The following SYNE2 variants were observed in gnomAD, a reference collection of about 807,000 sequenced individuals.
The protein encoded by SYNE2 is nesprin-2.
A neutral mutation model predicts 856.3 loss-of-function variants in SYNE2; 431 were observed. The observed-to-expected ratio is 0.50, with a 90% confidence interval of 0.47 to 0.55. The LOEUF (loss-of-function observed/expected upper bound fraction) is 0.55. Among genes scored for constraint, SYNE2 ranks in the 20% least tolerant of loss-of-function variants. The pLI is 0.00. For missense variants in SYNE2, 8,129 were observed against 8,023.2 expected, an observed-to-expected ratio of 1.01 and a Z score of -0.50; for synonymous variants, 2,923 against 2,872.3, an observed-to-expected ratio of 1.02 and a Z score of -0.56.
rs886042276 is a variant in SYNE2, at chr14:64,053,565, G to T, written c.9652G>T (p.Glu3218Ter). The T allele has an allele frequency of 5.6e-6, 9 of 1,614,106 alleles. No individual in the cohort carries two copies. Among genetic ancestry groups the T allele is most frequent in the Non-Finnish European group, 6.8e-6 (8 of 1,180,056 alleles). Reference sequence around the variant, plus strand: ...GACTGCTATTGAGAAACAAAGAGAAGAAAACTCTTCTGAAGCGAGTGATGT... The same window carrying T: ...GACTGCTATTGAGAAACAAAGAGAATAAAACTCTTCTGAAGCGAGTGATGT... Reference protein sequence around the residue: ...AVTAIEKQREENSSEASDVET... With the variant: ...AVTAIEKQRE Residue 3218 changes from glutamate (E) to a stop codon, truncating the protein, a stop_gained, in exon 48 of 116, where the codon GAA (glutamate) becomes TAA (stop). Coordinates refer to ENST00000555002, the MANE Select transcript of SYNE2 (RefSeq NM_182914.3). LOFTEE classifies it high-confidence loss of function.
intron 62 of SYNE2, 47 bp from the exon 63 acceptor site, chr14:64,098,700 G>A (rs2097696974): frequency 6.3e-7 from 1 of 1,598,672 alleles, no homozygotes; most frequent in Non-Finnish European, 8.6e-7. Flanking sequence ...TCTTGGTGAT[G>A]TTGACTGGCA....
chr14:63,956,341 A>G, intron 8 of SYNE2: 2 of 451,068 alleles, frequency 4.4e-6, no homozygotes, highest in Non-Finnish European at 8.9e-6. Flanking sequence ...TTGGGAAGTG[A>G]TAAGTTTTGA....
chr14:64,219,360 A>C lies in SYNE2; in HGVS notation c.19810A>C (p.Lys6604Gln). 6.2e-7 allele frequency: 1 copy of C among 1,614,162 alleles called. No individual in the cohort carries two copies. Among genetic ancestry groups the C allele is most frequent in the South Asian group, 1.1e-5 (1 of 91,086 alleles). ...EAELEMLKMA[K>Q]PPSDIQEIEL... Reference sequence around the variant, plus strand: ...AGAGCTGGAAATGTTAAAGATGGCAAAGCCTCCCTCTGATATCCAGGAAAT... The same window carrying C: ...AGAGCTGGAAATGTTAAAGATGGCACAGCCTCCCTCTGATATCCAGGAAAT... The change falls in exon 110 of 116, where the codon AAG becomes CAG. Residue 6604 changes from lysine (K) to glutamine (Q), a missense_variant. Transcript: ENST00000555002.
chr14:63,916,980 C>T (rs551348417), intron 2 of SYNE2, among the ~76,000 whole-genome samples: 1 of 152,044 alleles, frequency 6.6e-6, no homozygotes, highest in East Asian at 1.9e-4. Context: ...CGTCCAGCTG[C>T]TTGGGAGGCT....
chr14:64,152,902 C>A (rs898419045), intron 85 of SYNE2, among the ~76,000 whole-genome samples, 186 bp downstream of exon 85: 15 of 152,196 alleles, frequency 9.9e-5, no homozygotes, highest in Admixed American at 2.0e-4. Context: ...TAATTAGAGG[C>A]AAAGCCACCA....
In SYNE2 at chr14:63,998,442, C is replaced by T. The variant is rs1166012609; in HGVS notation, c.3353+114C>T. On this transcript the variant is annotated intron_variant, in intron 26 of 115. Transcript: ENST00000555002. Reference sequence around the variant, plus strand: ...TTTAGTCGTCATTTTGCATATGATCCAGTAACTTAGAAATTCTATGGTATT... The same window carrying T: ...TTTAGTCGTCATTTTGCATATGATCTAGTAACTTAGAAATTCTATGGTATT... The T allele has an allele frequency of 9.8e-6, 7 of 711,110 alleles. No individual in the cohort carries two copies. In the East Asian group the frequency reaches 1.9e-4, roughly 19 times the overall value. The allele number at this position is 711,110 out of a possible 1,614,324, so 44.1% of individuals were successfully genotyped here. A position where few individuals can be genotyped will look rare whatever the true frequency, so the allele number is the denominator to read the frequency against.
chr14:64,030,034 T>C lies in SYNE2; in HGVS notation c.6854T>C (p.Val2285Ala), dbSNP rs775586439. The C allele has an allele frequency of 4.3e-6, 7 of 1,613,956 alleles. No homozygotes were observed. Among genetic ancestry groups the C allele is most frequent in the Non-Finnish European group, 5.9e-6 (7 of 1,179,954 alleles). Residue 2285 changes from valine (V) to alanine (A), a missense_variant, in exon 44 of 116, where the codon GTT (valine) becomes GCT (alanine). Physicochemically the swap from Val to Ala is moderately conservative, Grantham distance 64 (BLOSUM62 0). Coordinates refer to ENST00000555002, the MANE Select transcript of SYNE2 (RefSeq NM_182914.3). ...FSDKPVDQIA[V>A]EEKLQKLQEL... Reference sequence around the variant, plus strand: ...GATAAGCCTGTGGATCAAATAGCGGTTGAGGAAAAATTGCAGAAACTGCAG... The same window carrying C: ...GATAAGCCTGTGGATCAAATAGCGGCTGAGGAAAAATTGCAGAAACTGCAG...
At position 64,128,439 on chromosome 14, in the gene SYNE2, A is replaced by G. The variant is rs775576281; in HGVS notation, c.13918-13A>G. The G allele has an allele frequency of 2.3e-5, 33 of 1,438,316 alleles. No individual in the cohort carries two copies. Among genetic ancestry groups the G allele is most frequent in the Non-Finnish European group, 2.8e-5 (29 of 1,020,070 alleles). The allele number at this position is 1,438,316 out of a possible 1,614,324, so 89.1% of individuals were successfully genotyped here. ...TAAATGAGATTGCTCAGTTTCCGAC[A>G]TTTATCTTACAGAATGAAATAAAGA... is the stretch of plus-strand genomic sequence containing the variant. On this transcript the variant is annotated splice_polypyrimidine_tract_variant and intron_variant, in intron 73 of 115. Coordinates refer to ENST00000555002, the MANE Select transcript of SYNE2 (RefSeq NM_182914.3).
intron 84 of SYNE2, among the ~76,000 whole-genome samples, chr14:64,151,928 A>G (rs915387376): frequency 2.0e-5 from 3 of 152,172 alleles, no homozygotes; most frequent in Admixed American, 2.0e-4. Context: ...GAGTGGCACC[A>G]TTGCTGCTGG....
chr14:63,894,753 T>G (rs1224694741), intron 1 of SYNE2, among the ~76,000 whole-genome samples: 1 of 152,230 alleles, frequency 6.6e-6, no homozygotes, highest in East Asian at 1.9e-4. Context: ...GAATAATAAT[T>G]CATTATGGCC....
At chr14:63,985,598 A>G (rs2153478399) in intron 18 of SYNE2, among the ~76,000 whole-genome samples, 1 of 152,312 alleles carries the variant, frequency 6.6e-6, no homozygotes, top group South Asian at 2.1e-4. Flanking sequence ...CTAATTTACT[A>G]AACTTTAATC....
chr14:63,895,114 T>C (rs554920770), intron 1 of SYNE2, among the ~76,000 whole-genome samples: 2 of 151,768 alleles, frequency 1.3e-5, no homozygotes, highest in East Asian at 1.9e-4. Context: ...CTTTTCTTTT[T>C]TTTTTTTTTG....
chr14:64,080,044 C>CGT (rs112076744), intron 55 of SYNE2, among the ~76,000 whole-genome samples: 5,810 of 150,360 alleles, frequency 0.039, 124 homozygotes, highest in Admixed American at 0.069. Flanking sequence ...ATTAAGAGAG[C>CGT]GTGTGTGTGT....
chr14:64,167,584 A>T lies in SYNE2; in HGVS notation c.16850A>T (p.Lys5617Ile). 6.2e-7 allele frequency: 1 copy of T among 1,614,222 alleles called. No individual in the cohort carries two copies. Among genetic ancestry groups the T allele is most frequent in the Non-Finnish European group, 8.5e-7 (1 of 1,180,032 alleles). ...TTGGAGAAGATAGAAGAAGCACTCA[A>T]AGTGGATGTGGCTAACAGCCTTCCT... is the stretch of plus-strand genomic sequence containing the variant. ...QLLEKIEEAL[K>I]VDVANSLPEL... The change falls in exon 92 of 116, where the codon AAA becomes ATA. Residue 5617 changes from lysine to isoleucine, a missense_variant. Coordinates refer to ENST00000555002, the MANE Select transcript of SYNE2 (RefSeq NM_182914.3).
Position 64,149,850 on chromosome 14 carries a change from G to C in SYNE2, c.15640-2714G>C, listed in dbSNP as rs189640063. On this transcript the variant is annotated intron_variant, in intron 84 of 115. Coordinates refer to ENST00000555002, the MANE Select transcript of SYNE2 (RefSeq NM_182914.3). ...AATTTGCCGGTGAAGTGGGAGTTGG[G>C]AAACTTGAAGGGTACTGTTAGGCCT... 5.3e-5 allele frequency among the ~76,000 whole-genome samples: 8 copies of C among 152,174 alleles called. No individual in the cohort carries two copies. The East Asian group carries it at 1.6e-3, about 30-fold the overall frequency.
chr14:64,125,316 C>A, intron 71 of SYNE2, 106 bp downstream of exon 71: 1 of 1,490,660 alleles, frequency 6.7e-7, no homozygotes, highest in Non-Finnish European at 9.2e-7. Context: ...AGTCATGGAA[C>A]ACATAATGGA....
intron 77 of SYNE2, among the ~76,000 whole-genome samples, chr14:64,133,045 AC>A (rs1222486083): frequency 1.5e-5 from 2 of 136,412 alleles, no homozygotes; most frequent in East Asian, 4.0e-4. Flanking sequence ...TACTAAAAAT[AC>A]AAAAAAAAAA....
At chr14:64,203,236 C>CT (rs1382473528) in intron 100 of SYNE2, among the ~76,000 whole-genome samples, 19 of 151,834 alleles carry the variant, frequency 1.3e-4, no homozygotes, top group Non-Finnish European at 2.6e-4. Flanking sequence ...TTAATTATGT[C>CT]TTTTTTTAAC....
chr14:63,769,495 G>A (rs1045975367), intron 1 of SYNE2, among the ~76,000 whole-genome samples: 1 of 151,968 alleles, frequency 6.6e-6, no homozygotes, highest in Non-Finnish European at 1.5e-5. Context: ...GTGAAACCCC[G>A]TCTCTACTAA....
Sources: gnomAD v4.1 joint callset for allele counts (sites outside exome capture counted in the v4.1 genomes callset) on GRCh38, gnomAD v4.1.1 for gene constraint, MANE v1.5 for transcripts, NCBI Gene and HGNC (gene_info 2026-07-23, HGNC 2026-07-21) for gene names.